The following NF1 variants were observed in gnomAD, a reference collection of about 807,000 sequenced individuals.
NF1 encodes neurofibromin 1.
A neutral mutation model predicts 325.7 loss-of-function variants in NF1; 122 were observed. The observed-to-expected ratio is 0.37, with a 90% CI of 0.32 to 0.44. The LOEUF is 0.44. Ranked by LOEUF, NF1 falls within the 20% of genes least tolerant of loss-of-function variation. The pLI is 1.00. For missense variants in NF1, 2,140 were observed against 3,415.4 expected (o/e 0.63, Z 9.31); for synonymous variants, 1,091 against 1,186.0 (o/e 0.92, Z 1.65).
chr17:31,132,131 C>T (rs1163438115), intron 1 of NF1, among the ~76,000 whole-genome samples: 1 of 152,046 alleles, frequency 6.6e-6, no homozygotes, highest in African/African-American at 2.4e-5. Flanking sequence ...CGGGGTCTCA[C>T]CTTGTTGCCC....
Position 31,227,206 on chromosome 17 carries a change from G to A in NF1, c.2252-12G>A, listed in dbSNP as rs747671446. The A allele has an allele frequency of 6.2e-7, 1 of 1,613,296 alleles. No homozygotes were observed. Among genetic ancestry groups the A allele is most frequent in the Non-Finnish European group, 8.5e-7 (1 of 1,179,478 alleles). On this transcript the variant is annotated splice_polypyrimidine_tract_variant and intron_variant, in intron 18 of 57. Coordinates refer to ENST00000358273, the MANE Select transcript of NF1 (RefSeq NM_001042492.3). The stretch of plus-strand genomic sequence containing the variant: ...AAGTGCAGTAACTTGATTTGCTGTT[G>A]TATTTGCTTAGGAAGAGCAGCACTT...
chr17:31,147,643 T>C (rs1306913857), intron 1 of NF1, among the ~76,000 whole-genome samples: 1 of 152,192 alleles, frequency 6.6e-6, no homozygotes, highest in Non-Finnish European at 1.5e-5. Context: ...GTTACATGCC[T>C]ACTAGTAGCT....
intron 50 of NF1, among the ~76,000 whole-genome samples, chr17:31,350,593 T>C (rs757150407): frequency 5.3e-5 from 8 of 152,150 alleles, no homozygotes; most frequent in Non-Finnish European, 1.0e-4. Flanking sequence ...CTTGAAAATA[T>C]TAGGTTGCAG....
chr17:31,101,068 T>C (rs1446669155), intron 1 of NF1, among the ~76,000 whole-genome samples: 1 of 152,178 alleles, frequency 6.6e-6, no homozygotes, highest in East Asian at 1.9e-4. Flanking sequence ...GGACCAGTCT[T>C]TTTTGTTGTT....
Position 31,251,233 on chromosome 17 carries a change from C to T in NF1, c.4111-1705C>T, listed in dbSNP as rs112855251. 0.015 allele frequency: 3,138 copies of T among 205,972 alleles called. 113 individuals are homozygous for T. The highest frequency in any genetic ancestry group is 0.067 in the African/African-American group (2,934 of 43,804). 12.8% of individuals were successfully genotyped at this position (205,972 alleles called of 1,614,324 possible). On this transcript the variant is annotated intron_variant, in intron 30 of 57. Transcript: ENST00000358273. ...TTTGGCAGTAACAGAAAGGTACCTTCCTGCTCTTCTGTGTTCTGCCTGGAG... is the reference window on the plus strand; with the variant it reads ...TTTGGCAGTAACAGAAAGGTACCTTTCTGCTCTTCTGTGTTCTGCCTGGAG...
At chr17:31,168,912 T>C (rs1258230892) in intron 4 of NF1, among the ~76,000 whole-genome samples, 1 of 152,222 alleles carries the variant, frequency 6.6e-6, no homozygotes, top group Non-Finnish European at 1.5e-5. Flanking sequence ...AATTGTGACT[T>C]CTATGAAAGA....
At position 31,320,343 on chromosome 17, in the gene NF1, T is replaced by TTAAAAAA; in HGVS notation, c.4836-5477_4836-5476insTAAAAAA. The TTAAAAAA allele has an allele frequency of 6.0e-6, 7 of 1,176,302 alleles. 3 individuals are homozygous for TTAAAAAA. In the South Asian group the frequency reaches 1.2e-4, roughly 20 times the overall value. 72.9% of individuals were successfully genotyped at this position (1,176,302 alleles called of 1,614,324 possible). ...AAATGTACTTAGGAGTCCTTTTATT[T>TTAAAAAA]AAAAAAAAAAAAAAAAGGCAGATTC... is the stretch of plus-strand genomic sequence containing the variant. On this transcript the variant is annotated intron_variant, in intron 36 of 57. Transcript: ENST00000358273.
chr17:31,344,302 A>G (rs770384557), intron 48 of NF1, among the ~76,000 whole-genome samples: 44 of 152,002 alleles, frequency 2.9e-4, no homozygotes, highest in Non-Finnish European at 5.9e-4. Flanking sequence ...ACCTGGTTTT[A>G]CTCCCCGTTG....
chr17:31,321,237 A>G (rs2069181270), intron 36 of NF1, among the ~76,000 whole-genome samples: 1 of 152,224 alleles, frequency 6.6e-6, no homozygotes, highest in Admixed American at 6.5e-5. Flanking sequence ...AAAAATAACA[A>G]AACATTTCCA....
At chr17:31,348,820 T>C (rs1291939397) in intron 48 of NF1, among the ~76,000 whole-genome samples, 1 of 152,092 alleles carries the variant, frequency 6.6e-6, no homozygotes, top group Non-Finnish European at 1.5e-5. Context: ...ATCTCTGTGC[T>C]GCTTTAGGGA....
At chr17:31,304,757 C>T in intron 36 of NF1, 1 of 1,614,152 alleles carries the variant, frequency 6.2e-7, no homozygotes, top group Non-Finnish European at 8.5e-7. Context: ...TCTAAGTCAT[C>T]TGCTAAAAGT....
chr17:31,344,973 A>C (rs1391919575), intron 48 of NF1, among the ~76,000 whole-genome samples: 2 of 152,126 alleles, frequency 1.3e-5, no homozygotes, highest in South Asian at 2.1e-4. Context: ...AAATACAAAA[A>C]TTAGGCAGGT....
intron 50 of NF1, among the ~76,000 whole-genome samples, chr17:31,351,564 G>A (rs893996863): frequency 7.2e-5 from 11 of 152,030 alleles, no homozygotes; most frequent in Non-Finnish European, 1.2e-4. Context: ...TTACAGGCGC[G>A]TGCCACCATG....
At chr17:31,242,496 T>C (rs2067317045) in intron 29 of NF1, among the ~76,000 whole-genome samples, 1 of 152,010 alleles carries the variant, frequency 6.6e-6, no homozygotes, top group African/African-American at 2.4e-5. Flanking sequence ...TTTATTCTTG[T>C]CTCCTCTGTG....
intron 1 of NF1, among the ~76,000 whole-genome samples, chr17:31,112,730 A>G (rs1010013298): frequency 3.3e-5 from 5 of 152,090 alleles, no homozygotes; most frequent in African/African-American, 1.2e-4. Context: ...TTTTGTTCTC[A>G]AAGTCTTTCA....
intron 1 of NF1, among the ~76,000 whole-genome samples, chr17:31,115,978 GTAA>G (rs1417954626): frequency 6.6e-6 from 1 of 152,072 alleles, no homozygotes; most frequent in Non-Finnish European, 1.5e-5. Flanking sequence ...ATCAAAATAG[GTAA>G]TAATTATCTG....
chr17:31,102,935 T>G (rs898410925), intron 1 of NF1, among the ~76,000 whole-genome samples: 1 of 151,844 alleles, frequency 6.6e-6, no homozygotes, highest in Admixed American at 6.6e-5. Context: ...AAGCTCCACC[T>G]TCTGGGTTCA....
intron 13 of NF1, among the ~76,000 whole-genome samples, chr17:31,214,810 T>C (rs565630393): frequency 6.6e-6 from 1 of 152,328 alleles, no homozygotes; most frequent in South Asian, 2.1e-4. Context: ...CATTTCTCTT[T>C]CTTCTTAATT....
At chr17:31,356,090 T>G (rs2070263173) in intron 51 of NF1, 1 of 180,206 alleles carries the variant, frequency 5.5e-6, no homozygotes, top group African/African-American at 2.4e-5. Context: ...TTTCTTAAAC[T>G]GAAAAGACTG....
Sources: gnomAD v4.1 joint callset for allele counts (sites outside exome capture counted in the v4.1 genomes callset) on GRCh38, gnomAD v4.1.1 for gene constraint, MANE v1.5 for transcripts, NCBI Gene and HGNC (gene_info 2026-07-23, HGNC 2026-07-21) for gene names.